Variants in DRC11L observed in about 807,000 individuals in gnomAD.
DRC11L encodes dynein regulatory complex subunit 11 like, also known as dynein regulatory complex subunit like-11.
chr7:151,197,597 C>T, the DRC11L span, among the ~76,000 whole-genome samples: 1 of 152,226 alleles, frequency 6.6e-6, no homozygotes, highest in African/African-American at 2.4e-5. Context: ...TCTGGAGCCA[C>T]TGCAGTCTAC....
the DRC11L span, among the ~76,000 whole-genome samples, chr7:151,205,030 G>A: frequency 6.6e-6 from 1 of 152,236 alleles, no homozygotes; most frequent in East Asian, 1.9e-4. Context: ...TAGGGAGAGT[G>A]TGGGATTGGG....
At chr7:151,192,756 T>A in the DRC11L span, 9 of 399,070 alleles carry the variant, frequency 2.3e-5, no homozygotes, top group Non-Finnish European at 4.0e-5. Flanking sequence ...CTTGTCTTCT[T>A]TGGGGGTCTT....
the DRC11L span, among the ~76,000 whole-genome samples, chr7:151,202,557 A>G: frequency 6.6e-6 from 1 of 152,208 alleles, no homozygotes; most frequent in Non-Finnish European, 1.5e-5. Flanking sequence ...CTGGTTTAGA[A>G]TCTAGTTGTG....
At chr7:151,194,456 G>T in the DRC11L span, 1 of 399,044 alleles carries the variant, frequency 2.5e-6, no homozygotes, top group Non-Finnish European at 4.4e-6. Context: ...GTGGATGGGG[G>T]TAGGGGAGCC....
the DRC11L span, chr7:151,197,368 G>A: frequency 5.0e-6 from 2 of 399,008 alleles, no homozygotes; most frequent in South Asian, 1.3e-4. Context: ...AAGATCAAGG[G>A]GATTTTACAG....
chr7:151,190,915 C>T, the DRC11L span: 2 of 399,370 alleles, frequency 5.0e-6, no homozygotes, highest in Non-Finnish European at 8.8e-6. Context: ...CTGCCCCATC[C>T]CTTTACCCTT....
the DRC11L span, among the ~76,000 whole-genome samples, chr7:151,195,257 C>T: frequency 6.6e-6 from 1 of 152,128 alleles, no homozygotes; most frequent in East Asian, 1.9e-4. Context: ...CCACGGCTAT[C>T]ACCTGAGTTT....
At chr7:151,203,261 A>G in the DRC11L span, 1 of 398,286 alleles carries the variant, frequency 2.5e-6, no homozygotes, top group East Asian at 3.6e-5. Context: ...CATCAGCAGA[A>G]GAACAGCCTT....
chr7:151,197,124 C>T, the DRC11L span: 5 of 399,730 alleles, frequency 1.3e-5, no homozygotes, highest in Non-Finnish European at 2.2e-5. Context: ...CTAATCTTAC[C>T]TGAACCCATC....
the DRC11L span, chr7:151,203,442 T>C: frequency 2.5e-6 from 1 of 399,008 alleles, no homozygotes; most frequent in African/African-American, 2.1e-5. Context: ...TCGGCCAGTA[T>C]CAGCCCTCGC....
At chr7:151,196,811 G>A in the DRC11L span, among the ~76,000 whole-genome samples, 239 of 152,226 alleles carry the variant, frequency 1.6e-3, 1 homozygote, top group African/African-American at 5.1e-3. Flanking sequence ...GCCCCCACCC[G>A]AAGAAGCACA....
At chr7:151,194,275 C>G in the DRC11L span, 1 of 399,144 alleles carries the variant, frequency 2.5e-6, no homozygotes, top group African/African-American at 2.1e-5. Flanking sequence ...GGACCGCATA[C>G]AAAGCCACAT....
chr7:151,195,419 G>A, the DRC11L span: 2 of 399,118 alleles, frequency 5.0e-6, no homozygotes, highest in East Asian at 7.1e-5. Context: ...GGCACGACAG[G>A]GTCCTGCTAC....
At chr7:151,204,889 G>T in the DRC11L span, 1 of 399,092 alleles carries the variant, frequency 2.5e-6, no homozygotes, top group South Asian at 1.3e-4. Context: ...GGAGTGGGGA[G>T]ACGGAGCAGC....
chr7:151,190,966 G>A, the DRC11L span: 7 of 400,076 alleles, frequency 1.7e-5, no homozygotes, highest in South Asian at 3.8e-4. Context: ...TCAGGTGCCC[G>A]CAAGCCTTAG....
the DRC11L span, chr7:151,197,318 C>G: frequency 2.5e-6 from 1 of 399,068 alleles, no homozygotes; most frequent in East Asian, 3.6e-5. Context: ...ATTTCCAGTT[C>G]CATTCTCACC....
At chr7:151,191,616 G>A in the DRC11L span, 2 of 399,188 alleles carry the variant, frequency 5.0e-6, no homozygotes, top group Non-Finnish European at 8.8e-6. Context: ...CTTACCCACA[G>A]CCCCTGGCCC....
the DRC11L span, among the ~76,000 whole-genome samples, chr7:151,200,678 G>A: frequency 1.1e-4 from 16 of 152,234 alleles, no homozygotes; most frequent in African/African-American, 3.6e-4. Context: ...GGGCCCCCCA[G>A]GGATTTCTTC....
At chr7:151,192,008 TC>T in the DRC11L span, 1 of 398,006 alleles carries the variant, frequency 2.5e-6, no homozygotes, top group Non-Finnish European at 4.4e-6. Flanking sequence ...ATCCATCAGC[TC>T]CCCTTCCCCA....
Sources: gnomAD v4.1 joint callset for allele counts (sites outside exome capture counted in the v4.1 genomes callset) on GRCh38, gnomAD v4.1.1 for gene constraint, MANE v1.5 for transcripts, NCBI Gene and HGNC (gene_info 2026-07-23, HGNC 2026-07-21) for gene names.